Variants in KATNAL2 observed in about 807,000 individuals in gnomAD.
KATNAL2 encodes the protein katanin catalytic subunit A1 like 2, also known as katanin p60 ATPase-containing subunit A-like 2.
A neutral mutation model predicts 76.3 loss-of-function variants in KATNAL2; 52 were observed. The ratio of observed to expected loss-of-function variants is 0.68; its 90% CI spans 0.55 to 0.86. KATNAL2 has a LOEUF of 0.86. Ranked by LOEUF, KATNAL2 falls within the 40% of genes least tolerant of loss-of-function variation. The pLI is 0.00. For missense variants in KATNAL2, 660 were observed against 668.9 expected (o/e 0.99, Z 0.15); for synonymous variants, 243 against 244.2 (o/e 1.00, Z 0.05).
At chr18:46,941,374 G>A (rs749462244) in intron 1 of KATNAL2, among the ~76,000 whole-genome samples, 1 of 151,844 alleles carries the variant, frequency 6.6e-6, no homozygotes, top group Non-Finnish European at 1.5e-5. Context: ...AGCCCATTCA[G>A]AAATCACCTT....
chr18:47,094,829 TGGA>T (rs2063158546), intron 15 of KATNAL2, among the ~76,000 whole-genome samples: 1 of 152,218 alleles, frequency 6.6e-6, no homozygotes, highest in Non-Finnish European at 1.5e-5. Flanking sequence ...TTTCCCAGCC[TGGA>T]GACCCTCCAT....
chr18:47,052,534 T>C (rs1599675028), intron 4 of KATNAL2, among the ~76,000 whole-genome samples: 1 of 152,238 alleles, frequency 6.6e-6, no homozygotes, highest in East Asian at 1.9e-4. Flanking sequence ...TTTGGGCAGA[T>C]ACCCATTTTA....
At chr18:47,059,461 C>A in intron 7 of KATNAL2, 95 bp from the exon 8 acceptor site, 2 of 821,548 alleles carry the variant, frequency 2.4e-6, no homozygotes, top group Non-Finnish European at 4.2e-6. Context: ...GAATTGCTAT[C>A]CAGCATCGGA....
chr18:47,098,485 T>C (rs57468764), intron 15 of KATNAL2: 16,988 of 160,470 alleles, frequency 0.11, 985 homozygotes, highest in East Asian at 0.13. Context: ...TGGAAACTGC[T>C]CACGATTCAA....
chr18:47,054,690 A>G (rs1319703510), intron 6 of KATNAL2: 2 of 442,826 alleles, frequency 4.5e-6, no homozygotes, highest in Non-Finnish European at 8.0e-6. Flanking sequence ...ATGTGGTATG[A>G]AAAGTCTTAA....
chr18:47,057,070 G>A (rs965368956), intron 6 of KATNAL2, among the ~76,000 whole-genome samples: 1 of 152,110 alleles, frequency 6.6e-6, no homozygotes, highest in Non-Finnish European at 1.5e-5. Context: ...TCACAGATGT[G>A]TCACCATGTG....
At chr18:47,092,740 A>G (rs1473727765) in intron 15 of KATNAL2, among the ~76,000 whole-genome samples, 1 of 152,200 alleles carries the variant, frequency 6.6e-6, no homozygotes, top group Non-Finnish European at 1.5e-5. Context: ...GGGGTTCCCC[A>G]TCGTCCTCCT....
At chr18:46,956,723 A>G (rs967450072) in intron 3 of KATNAL2, among the ~76,000 whole-genome samples, 1 of 152,182 alleles carries the variant, frequency 6.6e-6, no homozygotes, top group African/African-American at 2.4e-5. Flanking sequence ...TAGTGTGCAC[A>G]TTAAACACCT....
chr18:47,099,181 C>T (rs1005836781), intron 15 of KATNAL2, 62 bp from the exon 16 acceptor site: 90 of 1,502,402 alleles, frequency 6.0e-5, no homozygotes, highest in Non-Finnish European at 6.7e-5. Context: ...TCTTAAAGTA[C>T]AGTTGTTGTT....
chr18:46,965,582 C>CCCCG (rs1569032305), intron 3 of KATNAL2, among the ~76,000 whole-genome samples: 40 of 13,840 alleles, frequency 2.9e-3, no homozygotes, highest in South Asian at 6.6e-3. Flanking sequence ...AGCATCCCCG[C>CCCCG]CCCCCCCCCC....
intron 1 of KATNAL2, among the ~76,000 whole-genome samples, chr18:46,923,420 A>G (rs1456595310): frequency 6.6e-6 from 1 of 152,006 alleles, no homozygotes; most frequent in Non-Finnish European, 1.5e-5. Flanking sequence ...TTATGGCTGC[A>G]TAGTATTCCA....
intron 15 of KATNAL2, among the ~76,000 whole-genome samples, chr18:47,097,652 C>T (rs1168386912): frequency 6.6e-6 from 1 of 152,142 alleles, no homozygotes; most frequent in Non-Finnish European, 1.5e-5. Flanking sequence ...AGAGACAGAA[C>T]CATACATGAT....
chr18:47,075,736 G>A (rs1331908450), intron 14 of KATNAL2, among the ~76,000 whole-genome samples: 1 of 152,178 alleles, frequency 6.6e-6, no homozygotes, highest in Non-Finnish European at 1.5e-5. Flanking sequence ...TGGGGAATGA[G>A]TCTTGCCCAC....
At chr18:47,077,159 C>T (rs2062274696) in intron 14 of KATNAL2, among the ~76,000 whole-genome samples, 192 bp from the exon 15 acceptor site, 2 of 152,164 alleles carry the variant, frequency 1.3e-5, no homozygotes, top group Non-Finnish European at 2.9e-5. Context: ...TATTCATTTA[C>T]TTGCTTTCTA....
rs1221373726 is a variant in KATNAL2 at position 46,946,484 on chromosome 18, G to A, written c.-82G>A. The A allele has an allele frequency of 9.0e-5, 89 of 985,466 alleles. No homozygotes were observed. Among genetic ancestry groups the A allele is most frequent in the Non-Finnish European group, 1.1e-4 (89 of 829,930 alleles). 61.0% of individuals were successfully genotyped at this position (985,466 alleles called of 1,614,324 possible). A position where few individuals can be genotyped will look rare whatever the true frequency, so the allele number is the denominator to read the frequency against. ...AGACGGGACGTCAAAATATAGTCTT[G>A]GGTATAGAAGCATTGGGTCGCAAAG... On this transcript the variant is annotated 5_prime_UTR_variant, in exon 2 of 18. Coordinates refer to ENST00000683218, the MANE Select transcript of KATNAL2 (RefSeq NM_001387690.1).
chr18:47,077,255 T>C (rs1599783259), intron 14 of KATNAL2, 96 bp from the exon 15 acceptor site: 1 of 902,134 alleles, frequency 1.1e-6, no homozygotes. Context: ...GAACAGAAAC[T>C]GTTCTACAGT....
At chr18:47,040,753 T>A (rs549234121) in intron 3 of KATNAL2, among the ~76,000 whole-genome samples, 1 of 152,230 alleles carries the variant, frequency 6.6e-6, no homozygotes, top group South Asian at 2.1e-4. Flanking sequence ...GGTAACATGG[T>A]GAGATCCCTG....
chr18:47,043,245 A>AAAAAAAAAAAAAAAAG (rs376877321), intron 3 of KATNAL2, among the ~76,000 whole-genome samples: 2 of 93,176 alleles, frequency 2.1e-5, no homozygotes, highest in Non-Finnish European at 4.2e-5. Context: ...AAAAAAAAAA[A>AAAAAAAAAAAAAAAAG]GAGATCCTAA....
chr18:47,082,830 T>C (rs764920337), intron 15 of KATNAL2, among the ~76,000 whole-genome samples: 7 of 152,206 alleles, frequency 4.6e-5, no homozygotes, highest in Non-Finnish European at 8.8e-5. Context: ...AAAGGGCTAA[T>C]GTGCATGAAA....
Sources: allele counts gnomAD v4.1 joint callset (sites outside exome capture counted in the v4.1 genomes callset), GRCh38; gene constraint gnomAD v4.1.1; transcripts MANE v1.5; gene names NCBI Gene and HGNC (gene_info 2026-07-23, HGNC 2026-07-21).